The following CSMD1 variants were observed in gnomAD, a reference collection of about 807,000 sequenced individuals.
The protein encoded by CSMD1 is CUB and sushi domain-containing protein 1.
CSMD1 carries 213 observed loss-of-function variants against 417.5 expected under a neutral mutation model. The observed-to-expected ratio is 0.51, with a 90% CI of 0.46 to 0.57. CSMD1 has a LOEUF of 0.57. Ranked by LOEUF, CSMD1 falls within the 20% of genes least tolerant of loss-of-function variation. The pLI is 0.00. For missense variants in CSMD1, 6,923 were observed against 4,529.7 expected, an observed-to-expected ratio of 1.53 and a Z score of -15.17; for synonymous variants, 2,862 against 1,736.8, an observed-to-expected ratio of 1.65 and a Z score of -16.11.
At chr8:3,712,188 T>A (rs1321347069) in intron 6 of CSMD1, among the ~76,000 whole-genome samples, 1 of 152,086 alleles carries the variant, frequency 6.6e-6, no homozygotes, top group African/African-American at 2.4e-5. Flanking sequence ...ACAGCTCTGC[T>A]AATCTTGGCA....
At chr8:3,926,032 CACACACACACAAACACCATAT>C (rs1302151789) in intron 5 of CSMD1, among the ~76,000 whole-genome samples, 8 of 130,528 alleles carry the variant, frequency 6.1e-5, no homozygotes, top group African/African-American at 2.5e-4. Context: ...CACACACACA[CACACACACACAAACACCATAT>C]ACACACACAC....
chr8:3,306,435 A>T (rs978496402), intron 25 of CSMD1, among the ~76,000 whole-genome samples: 1 of 152,028 alleles, frequency 6.6e-6, no homozygotes. Context: ...CGGCCTCCCA[A>T]AGTGTTAGGC....
chr8:3,559,018 C>T (rs892187085), intron 10 of CSMD1, among the ~76,000 whole-genome samples: 1 of 152,116 alleles, frequency 6.6e-6, no homozygotes, highest in Admixed American at 6.5e-5. Flanking sequence ...GGTCTGGTGA[C>T]CTGTCATGAA....
At position 3,087,200 on chromosome 8, in the gene CSMD1, A is replaced by G; in HGVS notation, c.7371T>C (p.Tyr2457=). Residue 2457 remains tyrosine, a synonymous_variant, in exon 49 of 70, where the codon TAT becomes TAC. Transcript: ENST00000635120. ...CCATTCGGTATCCAGGCTTGCAAAA[A>G]TAATGCACTTTGCTTCCAACCGCTC... The part of the protein sequence containing the change: ...TAGAVGSKVH[Y]FCKPGYRMVG... 6.2e-7 allele frequency: 1 copy of G among 1,614,006 alleles called. No individual in the cohort carries two copies. The highest frequency in any genetic ancestry group is 8.5e-7 in the Non-Finnish European group (1 of 1,179,896).
intron 1 of CSMD1, among the ~76,000 whole-genome samples, chr8:4,801,506 G>A (rs1250210402): frequency 6.6e-6 from 1 of 151,784 alleles, no homozygotes; most frequent in East Asian, 1.9e-4. Flanking sequence ...AGTACTTAAT[G>A]TCATTTTGAA....
chr8:3,898,212 T>G (rs1423595017), intron 5 of CSMD1, among the ~76,000 whole-genome samples: 1 of 152,056 alleles, frequency 6.6e-6, no homozygotes, highest in Non-Finnish European at 1.5e-5. Context: ...GTATGGAAAA[T>G]TCCCCTACAT....
At chr8:4,878,888 T>G (rs1803217753) in intron 1 of CSMD1, among the ~76,000 whole-genome samples, 1 of 148,610 alleles carries the variant, frequency 6.7e-6, no homozygotes, top group South Asian at 2.1e-4. Flanking sequence ...CACAAAAAGC[T>G]GATGATGCTC....
chr8:4,366,318 G>A (rs1343605987), intron 3 of CSMD1, among the ~76,000 whole-genome samples: 1 of 151,010 alleles, frequency 6.6e-6, no homozygotes. Flanking sequence ...ATTTTCTTTA[G>A]CCAGTTCACC....
At chr8:3,406,530 T>A (rs572744948) in intron 14 of CSMD1, among the ~76,000 whole-genome samples, 1 of 152,266 alleles carries the variant, frequency 6.6e-6, no homozygotes, top group South Asian at 2.1e-4. Flanking sequence ...AGAAAGTGTC[T>A]GGGCTCAAGA....
At position 4,761,912 on chromosome 8, in the gene CSMD1, AATCTATCT is replaced by A. The variant is rs60693169; in HGVS notation, c.86-124362_86-124355del. 6.2e-3 allele frequency among the ~76,000 whole-genome samples: 623 copies of A among 101,284 alleles called. 5 individuals are homozygous for A. The highest frequency in any genetic ancestry group is 0.019 in the African/African-American group (472 of 25,288). 66.4% of individuals were successfully genotyped at this position (101,284 alleles called of 152,430 possible). On this transcript the variant is annotated intron_variant, in intron 1 of 69. Transcript: ENST00000635120. ...CTACCTACCTATCTATCTATCTATC[AATCTATCT>A]ATCTATCTATCTATCTATCTATCTA...
chr8:4,975,664 G>C (rs371249319), intron 1 of CSMD1, among the ~76,000 whole-genome samples: 4 of 152,246 alleles, frequency 2.6e-5, no homozygotes, highest in Admixed American at 2.0e-4. Context: ...GTGAGGTAAC[G>C]GTAATTCAAG....
At chr8:3,393,036 A>G (rs1585097425) in intron 17 of CSMD1, among the ~76,000 whole-genome samples, 1 of 152,188 alleles carries the variant, frequency 6.6e-6, no homozygotes, top group South Asian at 2.1e-4. Flanking sequence ...TCATTCACTT[A>G]TGTACATTTC....
chr8:4,533,858 G>A (rs1244771033), intron 2 of CSMD1, among the ~76,000 whole-genome samples: 1 of 149,756 alleles, frequency 6.7e-6, no homozygotes, highest in Non-Finnish European at 1.5e-5. Flanking sequence ...CTGCCCTTTT[G>A]GAGTGTATGT....
intron 41 of CSMD1, among the ~76,000 whole-genome samples, chr8:3,133,332 G>C (rs945154632): frequency 2.6e-5 from 4 of 152,142 alleles, no homozygotes; most frequent in African/African-American, 7.2e-5. Flanking sequence ...ACTACCCTCC[G>C]GGGATGCCGG....
intron 23 of CSMD1, among the ~76,000 whole-genome samples, chr8:3,337,387 G>A (rs967269019): frequency 6.6e-6 from 1 of 152,122 alleles, no homozygotes; most frequent in Non-Finnish European, 1.5e-5. Context: ...TCATTGTTCT[G>A]CATAATTACA....
At chr8:4,741,247 G>C (rs111299488) in intron 1 of CSMD1, among the ~76,000 whole-genome samples, 1,589 of 152,158 alleles carry the variant, frequency 0.01, 34 homozygotes, top group African/African-American at 0.037. Context: ...TACTAATTAG[G>C]CTTAAAGAAG....
At position 3,510,025 on chromosome 8, in the gene CSMD1, T is replaced by C. The variant is rs1302787460; in HGVS notation, c.1345-16299A>G. On this transcript the variant is annotated intron_variant, in intron 10 of 69. Coordinates refer to ENST00000635120, the MANE Select transcript of CSMD1 (RefSeq NM_033225.6). ...CCAATTGACGTATACAAGTCGCGTA[T>C]CCACTTCTCCCCTCTACATCAGTGA... Among the ~76,000 whole-genome samples, 3 of 152,292 alleles carry C rather than the reference T, an allele frequency of 2.0e-5. No homozygotes were observed. The South Asian group carries it at 6.2e-4, about 32-fold the overall frequency.
At chr8:3,243,731 A>G (rs1799696588) in intron 26 of CSMD1, among the ~76,000 whole-genome samples, 1 of 151,512 alleles carries the variant, frequency 6.6e-6, no homozygotes, top group African/African-American at 2.4e-5. Flanking sequence ...ATTATTTATG[A>G]AAATTACAAA....
At chr8:4,583,263 G>A (rs1005674314) in intron 2 of CSMD1, among the ~76,000 whole-genome samples, 2 of 152,348 alleles carry the variant, frequency 1.3e-5, no homozygotes, top group Middle Eastern at 3.4e-3. Flanking sequence ...CCGTGGTGCG[G>A]GACCCACCGA....
Sources: gnomAD v4.1 joint callset for allele counts (sites outside exome capture counted in the v4.1 genomes callset) on GRCh38, gnomAD v4.1.1 for gene constraint, MANE v1.5 for transcripts, NCBI Gene and HGNC (gene_info 2026-07-23, HGNC 2026-07-21) for gene names.